The following RMDN2 variants were observed in gnomAD, a reference collection of about 807,000 sequenced individuals.
The protein encoded by RMDN2 is regulator of microtubule dynamics 2.
In RMDN2, 61 loss-of-function variants were observed where a neutral mutation model predicts 52.8. The ratio of observed to expected loss-of-function variants is 1.16; its 90% confidence interval spans 0.94 to 1.43. The LOEUF is 1.43. Among genes scored for constraint, RMDN2 ranks in the 40% most tolerant of loss-of-function variants. RMDN2 has a pLI of 0.00. For missense variants in RMDN2, 592 were observed against 475.3 expected (o/e 1.25, Z -2.28); for synonymous variants, 180 against 153.1 (o/e 1.18, Z -1.30).
chr2:37,990,246 T>TGGTGG (rs1391217392), intron 6 of RMDN2, among the ~76,000 whole-genome samples: 1 of 150,486 alleles, frequency 6.6e-6, no homozygotes, highest in Non-Finnish European at 1.5e-5. Flanking sequence ...CGGCCGGGTG[T>TGGTGG]GGTGGCTCAC....
intron 4 of RMDN2, chr2:37,976,239 CTAAA>C (rs1349912413): frequency 2.0e-5 from 3 of 152,190 alleles, no homozygotes; most frequent in African/African-American, 4.8e-5. Context: ...ACAAGAACAA[CTAAA>C]TAGATAGAAT....
At chr2:38,012,016 T>A (rs1678067966) in intron 10 of RMDN2, among the ~76,000 whole-genome samples, 2 of 152,206 alleles carry the variant, frequency 1.3e-5, no homozygotes, top group African/African-American at 4.8e-5. Flanking sequence ...CCTTTGCTGC[T>A]GGGATGAGGG....
chr2:37,974,161 A>T lies in RMDN2; in HGVS notation c.574A>T (p.Ser192Cys). 1.2e-6 allele frequency: 2 copies of T among 1,613,650 alleles called. No homozygotes were observed. The highest frequency in any genetic ancestry group is 2.2e-5 in the South Asian group (2 of 91,026). Residue 192 changes from serine to cysteine, a missense_variant, in exon 3 of 11, where the codon AGT becomes TGT. Coordinates refer to ENST00000354545, the MANE Select transcript of RMDN2 (RefSeq NM_001170791.3). ...LLQKVDHLRM[S>C]ESGKSESFEL... ...TCAGAAGGTAGATCATTTACGTATG[A>T]GTGAGTCTGGCAAGTCGGAGAGTTT...
At chr2:37,977,890 A>C (rs940843534) in intron 4 of RMDN2, among the ~76,000 whole-genome samples, 8 of 151,806 alleles carry the variant, frequency 5.3e-5, no homozygotes, top group South Asian at 2.1e-4. Flanking sequence ...GCGGCCAGGC[A>C]GAGACGCTCC....
intron 2 of RMDN2, among the ~76,000 whole-genome samples, chr2:37,936,810 T>C (rs764441111): frequency 3.3e-5 from 5 of 152,232 alleles, no homozygotes; most frequent in African/African-American, 4.8e-5. Context: ...GTCAGACGAA[T>C]AGATTGCAAA....
At chr2:37,946,325 T>C (rs1042083233) in intron 2 of RMDN2, among the ~76,000 whole-genome samples, 1 of 152,134 alleles carries the variant, frequency 6.6e-6, no homozygotes, top group African/African-American at 2.4e-5. Context: ...GGGTGGACTG[T>C]AGGCCATCTT....
chr2:38,019,240 G>A (rs943057444), downstream of RMDN2, among the ~76,000 whole-genome samples: 7 of 152,268 alleles, frequency 4.6e-5, no homozygotes, highest in African/African-American at 9.6e-5. Flanking sequence ...AACTCATTCC[G>A]GCAGAGTGGT....
intron 10 of RMDN2, among the ~76,000 whole-genome samples, chr2:38,011,272 C>G (rs553848482): frequency 6.6e-6 from 1 of 152,348 alleles, no homozygotes; most frequent in East Asian, 1.9e-4. Flanking sequence ...ATTGCCCTGT[C>G]TCTTGCCCTT....
intron 10 of RMDN2, among the ~76,000 whole-genome samples, chr2:38,005,688 C>T (rs1385084388): frequency 1.3e-5 from 2 of 152,188 alleles, no homozygotes; most frequent in African/African-American, 4.8e-5. Context: ...TTTTGCTGTG[C>T]AGAAGCTCTT....
chr2:37,960,666 GT>G (rs1037566940), intron 2 of RMDN2, among the ~76,000 whole-genome samples: 3 of 152,040 alleles, frequency 2.0e-5, no homozygotes, highest in African/African-American at 7.2e-5. Context: ...GTGTCTTTTA[GT>G]TGGGGCACTT....
intron 10 of RMDN2, among the ~76,000 whole-genome samples, chr2:38,038,850 C>T (rs1680765255): frequency 6.6e-6 from 1 of 152,046 alleles, no homozygotes; most frequent in Non-Finnish European, 1.5e-5. Flanking sequence ...CATTTCTTGG[C>T]ATCTCCCATC....
At chr2:38,043,315 C>A (rs1211950505) in intron 10 of RMDN2, among the ~76,000 whole-genome samples, 2 of 152,150 alleles carry the variant, frequency 1.3e-5, no homozygotes, top group Non-Finnish European at 2.9e-5. Context: ...ATAGCTACTG[C>A]AGCTTTTTTA....
At chr2:37,950,321 G>A in intron 2 of RMDN2, 1 of 806,832 alleles carries the variant, frequency 1.2e-6, no homozygotes, top group Non-Finnish European at 1.9e-6. Context: ...TCCTCCAACA[G>A]TGAAGGTAGA....
At chr2:38,011,791 G>T (rs568257551) in intron 10 of RMDN2, among the ~76,000 whole-genome samples, 1 of 152,302 alleles carries the variant, frequency 6.6e-6, no homozygotes, top group South Asian at 2.1e-4. Context: ...TATATTGCAG[G>T]TCATGAACAG....
intron 2 of RMDN2, chr2:37,951,774 T>C (rs754948686): frequency 6.2e-7 from 1 of 1,613,170 alleles, no homozygotes; most frequent in Admixed American, 1.7e-5. Flanking sequence ...CACTAAAAAT[T>C]TTAAGAATTT....
chr2:37,969,367 G>A (rs1007599550), intron 2 of RMDN2, among the ~76,000 whole-genome samples: 1 of 151,338 alleles, frequency 6.6e-6, no homozygotes, highest in African/African-American at 2.4e-5. Context: ...CATTTACTTA[G>A]GTATTCTTTA....
intron 10 of RMDN2, among the ~76,000 whole-genome samples, chr2:38,058,901 A>G (rs1448354365): frequency 6.6e-6 from 1 of 152,198 alleles, no homozygotes; most frequent in Admixed American, 6.5e-5. Context: ...TTGTGTATGT[A>G]TCTTTATATT....
In RMDN2 at chr2:38,010,424, C is replaced by T. The variant is rs552697510; in HGVS notation, c.1179+6208C>T. 7.2e-5 allele frequency among the ~76,000 whole-genome samples: 11 copies of T among 152,326 alleles called. No individual in the cohort carries two copies. The East Asian group carries it at 1.7e-3, about 24-fold the overall frequency. On this transcript the variant is annotated intron_variant, in intron 10 of 10. Coordinates refer to ENST00000354545, the MANE Select transcript of RMDN2 (RefSeq NM_001170791.3). Reference sequence around the variant, plus strand: ...CCTCGGCAATGGCTCGCTCCCCTCCCCCAGCCTTGCTGCTGCCTTGCAGTT... The same window carrying T: ...CCTCGGCAATGGCTCGCTCCCCTCCTCCAGCCTTGCTGCTGCCTTGCAGTT...
At chr2:38,003,811 A>G (rs4514857) in intron 8 of RMDN2, among the ~76,000 whole-genome samples, 180 bp from the exon 9 acceptor site, 1,976 of 152,328 alleles carry the variant, frequency 0.013, 50 homozygotes, top group African/African-American at 0.045. Context: ...TGCAAAGGCT[A>G]TGTTTCCACC....
Sources: allele counts gnomAD v4.1 joint callset (sites outside exome capture counted in the v4.1 genomes callset), GRCh38; gene constraint gnomAD v4.1.1; transcripts MANE v1.5; gene names NCBI Gene and HGNC (gene_info 2026-07-23, HGNC 2026-07-21).